GRAMD4: variants seen among roughly 807,000 people sequenced by gnomAD.
GRAMD4 encodes the protein GRAM domain-containing protein 4.
Under a neutral mutation model 83.9 loss-of-function variants are expected in GRAMD4, and 25 were observed. The ratio of observed to expected loss-of-function variants is 0.30; its 90% CI spans 0.22 to 0.42. The LOEUF is 0.42. GRAMD4 is among the 10% of genes least tolerant of loss of function. The pLI is 1.00. For synonymous variants in GRAMD4, 336 were observed against 320.9 expected, an observed-to-expected ratio of 1.05 and a Z score of -0.50; for missense variants, 593 against 788.7, an observed-to-expected ratio of 0.75 and a Z score of 2.97.
intron 1 of GRAMD4, among the ~76,000 whole-genome samples, chr22:46,584,748 G>T (rs1257317716): frequency 6.6e-6 from 1 of 152,212 alleles, no homozygotes; most frequent in African/African-American, 2.4e-5. Context: ...GAGGGAGGCT[G>T]CAGGAGAACC....
At chr22:46,588,802 C>T (rs1408012644) in intron 1 of GRAMD4, among the ~76,000 whole-genome samples, 3 of 146,766 alleles carry the variant, frequency 2.0e-5, no homozygotes, top group Admixed American at 1.3e-4. Context: ...CCGGGCTGGG[C>T]AGAGCCTGGA....
At chr22:46,618,835 A>G (rs1295549686), upstream of GRAMD4, among the ~76,000 whole-genome samples, 1 of 152,150 alleles carries the variant, frequency 6.6e-6, no homozygotes, top group African/African-American at 2.4e-5. This position sits in a 1 kb window ranked among gnomAD's most constrained non-coding sequence, Gnocchi z 5.8. Flanking sequence ...GAACGGGGCT[A>G]TCAAGGGCTC....
chr22:46,601,651 C>T (rs939780111), intron 1 of GRAMD4, among the ~76,000 whole-genome samples: 1 of 152,058 alleles, frequency 6.6e-6, no homozygotes, highest in Non-Finnish European at 1.5e-5. Context: ...AAAAAATTAG[C>T]CAGACATGTT....
At chr22:46,643,112 C>G (rs2082001153) in intron 3 of GRAMD4, among the ~76,000 whole-genome samples, 1 of 151,504 alleles carries the variant, frequency 6.6e-6, no homozygotes, top group Non-Finnish European at 1.5e-5. Context: ...TCCATCCATC[C>G]ATCCATCCAT....
intron 3 of GRAMD4, among the ~76,000 whole-genome samples, chr22:46,654,178 G>T (rs1390312340): frequency 6.6e-6 from 1 of 152,028 alleles, no homozygotes; most frequent in African/African-American, 2.4e-5. Context: ...GGGTAGGGTG[G>T]GAGGGCAGCA....
chr22:46,638,070 C>A, intron 3 of GRAMD4, 110 bp downstream of exon 3: 1 of 1,184,026 alleles, frequency 8.4e-7, no homozygotes. Context: ...CCCACGCAGG[C>A]TCCATCGCTG....
intron 1 of GRAMD4, among the ~76,000 whole-genome samples, chr22:46,602,900 G>A (rs928013715): frequency 1.1e-4 from 17 of 149,856 alleles, no homozygotes; most frequent in Non-Finnish European, 2.2e-4. Flanking sequence ...ATGCCACCAC[G>A]CCTGGCTACT....
At chr22:46,671,221 C>A (rs2082499147) in intron 13 of GRAMD4, 1 of 350,142 alleles carries the variant, frequency 2.9e-6, no homozygotes, top group Non-Finnish European at 6.5e-6. Flanking sequence ...CCTGGCCCTG[C>A]CCCTCCTCAC....
At chr22:46,612,257 T>C (rs924818587) in intron 1 of GRAMD4, among the ~76,000 whole-genome samples, 7 of 152,318 alleles carry the variant, frequency 4.6e-5, no homozygotes, top group African/African-American at 1.7e-4. Context: ...TTCTCCTGCA[T>C]TGGACTCCCA....
chr22:46,591,758 G>A (rs2081210017), intron 1 of GRAMD4, among the ~76,000 whole-genome samples: 1 of 150,652 alleles, frequency 6.6e-6, no homozygotes, highest in African/African-American at 2.5e-5. Flanking sequence ...GTTTGAACTC[G>A]GGAGACGGAG....
chr22:46,603,754 G>C (rs933707708), intron 1 of GRAMD4, among the ~76,000 whole-genome samples: 3 of 151,454 alleles, frequency 2.0e-5, no homozygotes, highest in African/African-American at 4.9e-5. Context: ...CTGACCTCCT[G>C]ATCCGCCCGC....
intron 3 of GRAMD4, among the ~76,000 whole-genome samples, chr22:46,642,957 A>G (rs2081994082): frequency 6.7e-6 from 1 of 150,214 alleles, no homozygotes; most frequent in Non-Finnish European, 1.5e-5. Context: ...CCATCCACGC[A>G]TGCATCTATC....
At chr22:46,577,626 G>T (rs2081056487) in intron 1 of GRAMD4, among the ~76,000 whole-genome samples, 1 of 151,844 alleles carries the variant, frequency 6.6e-6, no homozygotes, top group African/African-American at 2.4e-5. Flanking sequence ...CCGACGCTGG[G>T]CCACTGGAGG....
In GRAMD4 at chr22:46,637,988, A is replaced by G. The variant is rs755526911; in HGVS notation, c.283+28A>G. The G allele has an allele frequency of 5.0e-6, 8 of 1,609,514 alleles. No individual in the cohort carries two copies. In the South Asian group the frequency reaches 7.7e-5, roughly 16 times the overall value. ...GAGTACCAGAAAGCGCTTGGAGGGG[A>G]TGGGACAAGGTGGGTCAGGGGTGGC... On this transcript the variant is annotated intron_variant, in intron 3 of 18. Transcript: ENST00000406902.
upstream of GRAMD4, among the ~76,000 whole-genome samples, chr22:46,615,667 C>T (rs1452846138): frequency 2.5e-3 from 16 of 6,416 alleles, no homozygotes; most frequent in East Asian, 0.033. Context: ...TTCCCCCGTG[C>T]GTAGGTTCCC....
intron 3 of GRAMD4, among the ~76,000 whole-genome samples, chr22:46,638,350 A>G (rs911400354): frequency 1.3e-5 from 2 of 152,156 alleles, no homozygotes; most frequent in African/African-American, 4.8e-5. Flanking sequence ...ACTTTTTCAG[A>G]GCTTTTGGAA....
chr22:46,583,921 T>G (rs1046347811), intron 1 of GRAMD4, among the ~76,000 whole-genome samples: 2 of 152,150 alleles, frequency 1.3e-5, no homozygotes, highest in African/African-American at 4.8e-5. Context: ...GAGGGCAGAG[T>G]GGCTGTGTCA....
intron 1 of GRAMD4, among the ~76,000 whole-genome samples, chr22:46,592,089 G>A (rs111953765): frequency 0.02 from 3,098 of 152,132 alleles, 117 homozygotes; most frequent in African/African-American, 0.071. Context: ...TGTCACGGGA[G>A]TCGAGACCTC....
chr22:46,668,906 T>G lies in GRAMD4; in HGVS notation c.1082T>G (p.Val361Gly), dbSNP rs761472993. The G allele has an allele frequency of 1.3e-6, 2 of 1,580,000 alleles. No homozygotes were observed. Among genetic ancestry groups the G allele is most frequent in the Middle Eastern group, 1.7e-4 (1 of 5,968 alleles). ...FFPYRLVGLA[V>G]GLYAGIKFFL... ...CCCTACCGCCTGGTGGGGCTTGCCG[T>G]GGGTAAGTAGATGCACCTGCGGCCT... The change falls in exon 13 of 19, where the codon GTG becomes GGG. Residue 361 changes from valine (V) to glycine (G), a missense_variant and splice_region_variant. This residue lies in a region of GRAMD4 where 171 missense variants were observed against 199.6 expected (regional missense o/e 0.86). Transcript: ENST00000406902.
Sources: gnomAD v4.1 joint callset for allele counts (sites outside exome capture counted in the v4.1 genomes callset) on GRCh38, gnomAD v4.1.1 for gene constraint, gnomAD v4.1.1 regional missense constraint, Gnocchi (gnomAD v3.1) non-coding constraint, MANE v1.5 for transcripts, NCBI Gene and HGNC (gene_info 2026-07-23, HGNC 2026-07-21) for gene names.